ACAD11: variants seen among roughly 807,000 people sequenced by gnomAD.
ACAD11 encodes the protein acyl-CoA dehydrogenase family member 11.
ACAD11 carries 83 observed loss-of-function variants against 102.2 expected under a neutral mutation model. The ratio of observed to expected loss-of-function variants is 0.81; its 90% confidence interval spans 0.68 to 0.97. The LOEUF is 0.97. ACAD11 is among the 50% of genes least tolerant of loss of function. The probability of loss-of-function intolerance (pLI) is 0.00; values close to 1 mark genes in which losing one functional copy is unlikely to be tolerated. For synonymous variants in ACAD11, 324 were observed against 319.8 expected (o/e 1.01, Z -0.14); for missense variants, 901 against 951.7 (o/e 0.95, Z 0.70).
chr3:132,600,734 A>C (rs764852129), intron 13 of ACAD11: 1 of 1,613,858 alleles, frequency 6.2e-7, no homozygotes, highest in East Asian at 2.2e-5. Flanking sequence ...AATAATGTGC[A>C]AAATAACTTC....
intron 9 of ACAD11, among the ~76,000 whole-genome samples, chr3:132,624,742 A>C (rs992504319): frequency 1.3e-5 from 2 of 151,330 alleles, no homozygotes; most frequent in African/African-American, 4.8e-5. Flanking sequence ...GCTGGAGTGC[A>C]GTGGCGCAAT....
chr3:132,650,199 T>C (rs944215537), intron 1 of ACAD11: 9 of 152,310 alleles, frequency 5.9e-5, no homozygotes, highest in African/African-American at 2.2e-4. Flanking sequence ...ACAAGTGCAA[T>C]GGAGTCATCA....
chr3:132,610,751 A>G (rs1057261415), intron 11 of ACAD11, among the ~76,000 whole-genome samples: 1 of 152,194 alleles, frequency 6.6e-6, no homozygotes, highest in Non-Finnish European at 1.5e-5. Context: ...AACCAAAAAA[A>G]GTCCAGGACC....
At chr3:132,563,405 A>T (rs773639245) in intron 17 of ACAD11, among the ~76,000 whole-genome samples, 3 of 152,190 alleles carry the variant, frequency 2.0e-5, no homozygotes, top group Non-Finnish European at 4.4e-5. Context: ...GATGGTTAAC[A>T]TCTTTAATCT....
chr3:132,637,963 T>G (rs1186702429), intron 5 of ACAD11, among the ~76,000 whole-genome samples: 1 of 152,198 alleles, frequency 6.6e-6, no homozygotes, highest in Admixed American at 6.5e-5. Context: ...AATGTACAAT[T>G]ATGTCTCCTA....
intron 1 of ACAD11, chr3:132,648,488 G>T (rs1266568179): frequency 1.3e-5 from 2 of 151,662 alleles, no homozygotes; most frequent in African/African-American, 4.8e-5. Flanking sequence ...GCATCTACCT[G>T]CATCTCTAAG....
chr3:132,641,171 C>A (rs893663820), intron 4 of ACAD11, among the ~76,000 whole-genome samples: 5 of 152,170 alleles, frequency 3.3e-5, no homozygotes, highest in African/African-American at 1.2e-4. Flanking sequence ...GTATATTTTT[C>A]TTGATATTTA....
intron 13 of ACAD11, among the ~76,000 whole-genome samples, chr3:132,585,149 T>G: frequency 6.6e-6 from 1 of 152,146 alleles, no homozygotes; most frequent in South Asian, 2.1e-4. Context: ...AACAGAGATA[T>G]AGACCAATGG....
chr3:132,589,784 G>C (rs1937998959), intron 13 of ACAD11, among the ~76,000 whole-genome samples: 1 of 152,092 alleles, frequency 6.6e-6, no homozygotes, highest in African/African-American at 2.4e-5. Context: ...GTGTCATTAG[G>C]GTTTGTTGCA....
At chr3:132,581,993 G>A (rs1937605793) in intron 13 of ACAD11, among the ~76,000 whole-genome samples, 1 of 151,988 alleles carries the variant, frequency 6.6e-6, no homozygotes, top group Non-Finnish European at 1.5e-5. Context: ...ATAAGCTGTA[G>A]CTGATACAAG....
At chr3:132,632,293 G>A (rs994708584) in intron 5 of ACAD11, among the ~76,000 whole-genome samples, 9 of 152,046 alleles carry the variant, frequency 5.9e-5, no homozygotes, top group South Asian at 2.1e-4. Context: ...CACCATGTTC[G>A]CCAGGATGGT....
At chr3:132,571,306 CAA>C (rs986812189) in intron 17 of ACAD11, among the ~76,000 whole-genome samples, 8 of 146,820 alleles carry the variant, frequency 5.4e-5, no homozygotes, top group African/African-American at 1.7e-4. Context: ...GTCTTCTTTT[CAA>C]AAGAGTCTGT....
At chr3:132,565,910 C>T (rs1028821008) in intron 17 of ACAD11, among the ~76,000 whole-genome samples, 4 of 152,172 alleles carry the variant, frequency 2.6e-5, no homozygotes, top group Admixed American at 2.6e-4. Flanking sequence ...CCTGCAGAAC[C>T]ATGGGCCAAA....
intron 17 of ACAD11, among the ~76,000 whole-genome samples, chr3:132,563,064 C>G (rs1937109032): frequency 6.6e-6 from 1 of 152,180 alleles, no homozygotes; most frequent in African/African-American, 2.4e-5. Flanking sequence ...TGCTGCAACA[C>G]CATTTACTGT....
intron 11 of ACAD11, among the ~76,000 whole-genome samples, chr3:132,611,549 C>A (rs1389327641): frequency 6.6e-6 from 1 of 152,098 alleles, no homozygotes; most frequent in East Asian, 1.9e-4. Flanking sequence ...AATCAATGTG[C>A]AAAAATCACA....
Position 132,631,165 on chromosome 3 carries a change from A to T in ACAD11, c.841+176T>A, listed in dbSNP as rs566380452. The stretch of plus-strand genomic sequence containing the variant: ...ACTTAAAGTATAATAAAAATAAATT[A>T]AAAAAAAGAATTATCTTCAACAAAA... On this transcript the variant is annotated intron_variant, in intron 6 of 19. Coordinates refer to ENST00000264990, the MANE Select transcript of ACAD11 (RefSeq NM_032169.5). Among the ~76,000 whole-genome samples, 28 of 152,060 alleles carry T rather than the reference A, an allele frequency of 1.8e-4. No individual in the cohort carries two copies. The South Asian group carries it at 2.1e-3, about 11-fold the overall frequency.
chr3:132,649,965 G>C (rs1278857892), intron 1 of ACAD11: 1 of 152,152 alleles, frequency 6.6e-6, no homozygotes, highest in African/African-American at 2.4e-5. Flanking sequence ...GTTGATAAGA[G>C]ATCAGGAAAA....
At chr3:132,616,418 T>C (rs1286112031) in intron 11 of ACAD11, among the ~76,000 whole-genome samples, 1 of 152,192 alleles carries the variant, frequency 6.6e-6, no homozygotes, top group Non-Finnish European at 1.5e-5. Context: ...GATCCATTAG[T>C]GCATCATGAA....
At chr3:132,571,809 T>C (rs2107787828) in intron 17 of ACAD11, among the ~76,000 whole-genome samples, 1 of 152,270 alleles carries the variant, frequency 6.6e-6, no homozygotes, top group Admixed American at 6.5e-5. Flanking sequence ...CAAAAACCAC[T>C]TGATCATCTC....
Sources: gnomAD v4.1 joint callset for allele counts (sites outside exome capture counted in the v4.1 genomes callset) on GRCh38, gnomAD v4.1.1 for gene constraint, MANE v1.5 for transcripts, NCBI Gene and HGNC (gene_info 2026-07-23, HGNC 2026-07-21) for gene names.